The following CDC123 variants were observed in gnomAD, a reference collection of about 807,000 sequenced individuals.
The protein encoded by CDC123 is translation initiation factor eIF2 assembly protein.
In CDC123, 37 loss-of-function variants were observed where a neutral mutation model predicts 54.4. The ratio of observed to expected loss-of-function variants is 0.68; its 90% CI spans 0.52 to 0.89. The LOEUF (loss-of-function observed/expected upper bound fraction) is 0.89. Among genes scored for constraint, CDC123 ranks in the 40% least tolerant of loss-of-function variants. CDC123 has a pLI of 0.00. For synonymous variants in CDC123, 144 were observed against 136.8 expected, an observed-to-expected ratio of 1.05 and a Z score of -0.37; for missense variants, 361 against 412.1, an observed-to-expected ratio of 0.88 and a Z score of 1.07.
intron 4 of CDC123, among the ~76,000 whole-genome samples, chr10:12,215,279 T>C (rs1474256430): frequency 6.6e-6 from 1 of 152,216 alleles, no homozygotes; most frequent in Non-Finnish European, 1.5e-5. Context: ...TTTCATTCTC[T>C]CCGTGGCTTT....
intron 6 of CDC123, among the ~76,000 whole-genome samples, chr10:12,218,045 C>T (rs1446042571): frequency 6.6e-6 from 1 of 151,984 alleles, no homozygotes; most frequent in Non-Finnish European, 1.5e-5. Context: ...GCCGAGATTG[C>T]GTGCCACTGC....
At chr10:12,215,859 T>C in intron 5 of CDC123, 24 bp downstream of exon 5, 1 of 1,428,458 alleles carries the variant, frequency 7.0e-7, no homozygotes. Flanking sequence ...AGTAATTCTC[T>C]TACTGTTTGA....
chr10:12,211,594 A>T lies in CDC123; in HGVS notation c.237+1272A>T, dbSNP rs377560914. 2.0e-5 allele frequency among the ~76,000 whole-genome samples: 3 copies of T among 152,346 alleles called. No individual in the cohort carries two copies. In the South Asian group the frequency reaches 6.2e-4, roughly 32 times the overall value. ...TTATCTGCCATACTCAGGGCACTAAACTAGATTCCGTGAGATGAACAAAGA... is the reference window on the plus strand; with the variant it reads ...TTATCTGCCATACTCAGGGCACTAATCTAGATTCCGTGAGATGAACAAAGA... On this transcript the variant is annotated intron_variant, in intron 4 of 12. Coordinates refer to ENST00000281141, the MANE Select transcript of CDC123 (RefSeq NM_006023.3).
chr10:12,222,959 G>A (rs904194216), intron 6 of CDC123, among the ~76,000 whole-genome samples: 1 of 150,270 alleles, frequency 6.7e-6, no homozygotes, highest in Non-Finnish European at 1.5e-5. Flanking sequence ...TGGCGTGATC[G>A]TGGCTCACTG....
chr10:12,199,853 C>T (rs898043346), intron 2 of CDC123, among the ~76,000 whole-genome samples: 6 of 152,018 alleles, frequency 3.9e-5, no homozygotes, highest in Admixed American at 2.6e-4. Flanking sequence ...GACAGAGTCT[C>T]GCTCTGTCAC....
intron 10 of CDC123, among the ~76,000 whole-genome samples, chr10:12,241,574 C>T (rs1188817727): frequency 6.6e-6 from 1 of 152,098 alleles, no homozygotes; most frequent in East Asian, 1.9e-4. Flanking sequence ...TTCCAGAGTT[C>T]TTGGGGCTTT....
At chr10:12,199,730 G>T (rs956629912) in intron 2 of CDC123, among the ~76,000 whole-genome samples, 2 of 152,138 alleles carry the variant, frequency 1.3e-5, no homozygotes, top group Non-Finnish European at 2.9e-5. Context: ...TATTAATGTA[G>T]CGCCTCATTA....
rs543337462 is a variant in CDC123 at position 12,200,120 on chromosome 10, A to ATTTTTTT, written c.146+1361_146+1367dup. On this transcript the variant is annotated intron_variant, in intron 2 of 12. Coordinates refer to ENST00000281141, the MANE Select transcript of CDC123 (RefSeq NM_006023.3). ...ATAGGCCTGAGCCACCGCACTCGGC[A>ATTTTTTT]TTTTTTTTTTTTTTTTTTTTTTTAA... Among the ~76,000 whole-genome samples, 14 of 59,364 alleles carry ATTTTTTT rather than the reference A, an allele frequency of 2.4e-4. 2 individuals carry two copies. Among genetic ancestry groups the ATTTTTTT allele is most frequent in the Admixed American group, 5.7e-4 (2 of 3,536 alleles). The allele number at this position is 59,364 out of a possible 152,430, so 38.9% of individuals were successfully genotyped here.
At chr10:12,245,230 G>GTTCCCT (rs1232707047) in intron 10 of CDC123, 1 of 148,156 alleles carries the variant, frequency 6.7e-6, no homozygotes, top group East Asian at 2.0e-4. Context: ...TTGGGTGACA[G>GTTCCCT]TTCCCTTTCC....
chr10:12,214,255 T>G (rs957734368), intron 4 of CDC123, among the ~76,000 whole-genome samples: 1 of 152,334 alleles, frequency 6.6e-6, no homozygotes, highest in African/African-American at 2.4e-5. Context: ...GTAAAGTTTG[T>G]GCAACAATGC....
chr10:12,196,391 A>G (rs1231192280), intron 1 of CDC123, 72 bp downstream of exon 1: 2 of 1,601,062 alleles, frequency 1.2e-6, no homozygotes, highest in Non-Finnish European at 8.5e-7. Flanking sequence ...TCTTACTGCT[A>G]TCCAAAAAAA....
intron 7 of CDC123, 141 bp downstream of exon 7, chr10:12,231,137 A>T (rs1226028361): frequency 1.5e-6 from 1 of 657,222 alleles, no homozygotes; most frequent in African/African-American, 1.8e-5. Flanking sequence ...TAAATTTATG[A>T]AATATACACA....
chr10:12,217,114 G>A (rs1835673994), intron 5 of CDC123, among the ~76,000 whole-genome samples: 1 of 152,190 alleles, frequency 6.6e-6, no homozygotes, highest in Non-Finnish European at 1.5e-5. Flanking sequence ...ACACTGGGAA[G>A]TACTTAGGCC....
chr10:12,236,767 G>A (rs531874156), intron 8 of CDC123, among the ~76,000 whole-genome samples: 5 of 152,110 alleles, frequency 3.3e-5, no homozygotes, highest in South Asian at 2.1e-4. Flanking sequence ...GGTGGCAGGC[G>A]CCCGTAATCC....
chr10:12,201,923 T>C lies in CDC123; in HGVS notation c.146+3147T>C, dbSNP rs1835445447. On this transcript the variant is annotated intron_variant, in intron 2 of 12. Transcript: ENST00000281141. ...ATTGGGAGCTTGCACCTTCAGAACT[T>C]GATGACAGGAATGTGTCAAGAATTC... Among the ~76,000 whole-genome samples, 3 of 152,068 alleles carry C rather than the reference T, an allele frequency of 2.0e-5. No individual in the cohort carries two copies. The South Asian group carries it at 6.2e-4, about 32-fold the overall frequency.
intron 6 of CDC123, among the ~76,000 whole-genome samples, chr10:12,230,271 C>T (rs1835882398): frequency 6.6e-6 from 1 of 151,888 alleles, no homozygotes; most frequent in Admixed American, 6.6e-5. Context: ...CGGCTCACTG[C>T]ATCCTCCGCC....
In CDC123 at chr10:12,217,389, C is replaced by T; in HGVS notation, c.362C>T (p.Ser121Phe). ...RDAYWIAMNSSLKCKTLSDIF... is the reference protein window; with the variant it reads ...RDAYWIAMNSFLKCKTLSDIF... ...GCGTATTGGATAGCAATGAATAGTT[C>T]TCTGAAATGTAAAACCCTCAGCGAC... Residue 121 changes from serine to phenylalanine, a missense_variant, in exon 6 of 13, where the codon TCT becomes TTT. Ser to Phe is a radical substitution (Grantham distance 155, BLOSUM62 -2). Transcript: ENST00000281141. 1 of 1,613,910 alleles carries T rather than the reference C, an allele frequency of 6.2e-7. No homozygotes were observed. Among genetic ancestry groups the T allele is most frequent in the Non-Finnish European group, 8.5e-7 (1 of 1,179,890 alleles).
intron 6 of CDC123, among the ~76,000 whole-genome samples, chr10:12,225,754 T>C (rs1835804146): frequency 7.4e-6 from 1 of 135,936 alleles, no homozygotes; most frequent in African/African-American, 2.7e-5. Flanking sequence ...CTCTTTTTTT[T>C]TTTTTTTTTT....
intron 9 of CDC123, 178 bp downstream of exon 9, chr10:12,237,444 A>ATTATTTTTTTTTTTTTT (rs1564257507): frequency 2.2e-6 from 1 of 456,032 alleles, no homozygotes; most frequent in African/African-American, 2.1e-5. Flanking sequence ...TATTATTATT[A>ATTATTTTTTTTTTTTTT]TTTTTATTTG....
Sources: allele counts gnomAD v4.1 joint callset (sites outside exome capture counted in the v4.1 genomes callset), GRCh38; gene constraint gnomAD v4.1.1; transcripts MANE v1.5; gene names NCBI Gene and HGNC (gene_info 2026-07-23, HGNC 2026-07-21).